The following ELOC variants were observed in gnomAD, a reference collection of about 807,000 sequenced individuals.
The protein encoded by ELOC is elongin-C.
For missense variants in ELOC, 38 were observed against 139.0 expected, an observed-to-expected ratio of 0.27 and a Z score of 3.65; for synonymous variants, 40 against 51.3, an observed-to-expected ratio of 0.78 and a Z score of 0.94.
chr8:73,952,747 C>T (rs1586597101), intron 3 of ELOC, among the ~76,000 whole-genome samples: 1 of 149,412 alleles, frequency 6.7e-6, no homozygotes, highest in East Asian at 2.0e-4. Context: ...CGCCACTGCA[C>T]TCCAGCCTGG....
intron 3 of ELOC, among the ~76,000 whole-genome samples, chr8:73,954,118 C>A (rs1813972775): frequency 1.3e-5 from 2 of 152,068 alleles, no homozygotes; most frequent in South Asian, 4.1e-4. Context: ...TCAATTTATA[C>A]AAAATGGCCA....
chr8:73,970,842 C>T (rs930573039), intron 1 of ELOC, among the ~76,000 whole-genome samples: 1 of 148,096 alleles, frequency 6.8e-6, no homozygotes, highest in African/African-American at 2.5e-5. Flanking sequence ...TGGTGAAACC[C>T]CATCTCTACT....
intron 1 of ELOC, among the ~76,000 whole-genome samples, chr8:73,960,096 G>A (rs1328788987): frequency 6.6e-6 from 1 of 152,128 alleles, no homozygotes; most frequent in Non-Finnish European, 1.5e-5. Context: ...TTGGGGGTGG[G>A]GTTGTTGAAG....
intron 1 of ELOC, chr8:73,969,582 T>C (rs200032996): frequency 6.1e-4 from 93 of 152,326 alleles, no homozygotes; most frequent in African/African-American, 2.2e-3. Flanking sequence ...GCATTTGTAA[T>C]TGCTGTTGTC....
chr8:73,948,950 A>T (rs1440111952), intron 3 of ELOC, among the ~76,000 whole-genome samples: 2 of 152,252 alleles, frequency 1.3e-5, no homozygotes, highest in African/African-American at 4.8e-5. Flanking sequence ...TGATCATGTT[A>T]ACGAGATCTC....
At chr8:73,951,673 C>T (rs1199317734) in intron 3 of ELOC, among the ~76,000 whole-genome samples, 1 of 151,624 alleles carries the variant, frequency 6.6e-6, no homozygotes, top group African/African-American at 2.4e-5. Flanking sequence ...ACAACAACAA[C>T]AACAACAAAA....
rs376939453 is a variant in ELOC, at chr8:73,968,792, AC to A, written c.-51+3284del. On this transcript the variant is annotated intron_variant, in intron 1 of 3. Coordinates refer to ENST00000520242, the MANE Select transcript of ELOC (RefSeq NM_005648.4). The stretch of plus-strand genomic sequence containing the variant: ...ACCTATTCTGATCAGCCTTTGGCCC[AC>A]CAGTCCATTTTAGGGGTTCTTATCA... Among the ~76,000 whole-genome samples the A allele has an allele frequency of 4.4e-3, 667 of 152,324 alleles. 1 individual carries two copies. The highest frequency in any genetic ancestry group is 0.015 in the African/African-American group (615 of 41,570).
chr8:73,967,460 T>C (rs1200499126), intron 1 of ELOC, among the ~76,000 whole-genome samples: 2 of 140,500 alleles, frequency 1.4e-5, no homozygotes, highest in Non-Finnish European at 3.2e-5. Flanking sequence ...TTTATATAAT[T>C]TTCTTTTCTT....
At chr8:73,967,910 TGTTCTAGCAG>T (rs1466593363) in intron 1 of ELOC, among the ~76,000 whole-genome samples, 1 of 152,246 alleles carries the variant, frequency 6.6e-6, no homozygotes, top group Non-Finnish European at 1.5e-5. Context: ...TTGTTGACTC[TGTTCTAGCAG>T]GTTCTTAATC....
chr8:73,951,080 G>A (rs1167969499), intron 3 of ELOC, among the ~76,000 whole-genome samples: 2 of 152,138 alleles, frequency 1.3e-5, no homozygotes, highest in East Asian at 3.9e-4. Context: ...AGAACAGCCT[G>A]ACCAACACAG....
chr8:73,948,312 C>T (rs1000716583), intron 3 of ELOC, among the ~76,000 whole-genome samples: 1 of 151,876 alleles, frequency 6.6e-6, no homozygotes, highest in African/African-American at 2.4e-5. Context: ...GTATGATTGG[C>T]GAGCAGGATG....
At chr8:73,971,398 T>A (rs942502437) in intron 1 of ELOC, among the ~76,000 whole-genome samples, 1 of 151,990 alleles carries the variant, frequency 6.6e-6, no homozygotes, top group Admixed American at 6.6e-5. Flanking sequence ...CAAGTCTGTC[T>A]CCCCCGGCCC....
intron 3 of ELOC, among the ~76,000 whole-genome samples, chr8:73,952,655 C>T (rs1294205722): frequency 1.3e-5 from 2 of 150,720 alleles, no homozygotes; most frequent in African/African-American, 4.9e-5. Context: ...GTGGCGGGCG[C>T]CTGTGGTCCC....
intron 3 of ELOC, among the ~76,000 whole-genome samples, chr8:73,949,522 T>C (rs1233457882): frequency 2.6e-5 from 4 of 152,194 alleles, no homozygotes; most frequent in Admixed American, 1.3e-4. Context: ...CATCCCAAAT[T>C]AAAACCCGAT....
intron 1 of ELOC, among the ~76,000 whole-genome samples, chr8:73,967,965 C>T (rs1586622408): frequency 6.6e-6 from 1 of 152,158 alleles, no homozygotes; most frequent in Non-Finnish European, 1.5e-5. Flanking sequence ...CACAGATAAG[C>T]AGTAGAATCC....
At chr8:73,947,714 A>G (rs1813472829) in intron 3 of ELOC, among the ~76,000 whole-genome samples, 1 of 151,880 alleles carries the variant, frequency 6.6e-6, no homozygotes. Flanking sequence ...AGCTGGGACC[A>G]CAGGTGAGCG....
chr8:73,948,870 A>AGCAAGCAG (rs1275347058), intron 3 of ELOC, among the ~76,000 whole-genome samples: 25 of 152,242 alleles, frequency 1.6e-4, no homozygotes, highest in African/African-American at 5.8e-4. Flanking sequence ...CAAGCAAGCA[A>AGCAAGCAG]GCAAGCAAGC....
chr8:73,968,160 T>C (rs779727338), intron 1 of ELOC, among the ~76,000 whole-genome samples: 1 of 152,222 alleles, frequency 6.6e-6, no homozygotes. Flanking sequence ...CTGTTTGACA[T>C]TTCTATCTTG....
intron 1 of ELOC, among the ~76,000 whole-genome samples, chr8:73,966,852 C>G (rs16938747): frequency 0.047 from 7,146 of 152,140 alleles, 346 homozygotes; most frequent in African/African-American, 0.13. Context: ...CTACATTATC[C>G]TGTTTCATCA....
Sources: gnomAD v4.1 joint callset for allele counts (sites outside exome capture counted in the v4.1 genomes callset) on GRCh38, gnomAD v4.1.1 for gene constraint, MANE v1.5 for transcripts, NCBI Gene and HGNC (gene_info 2026-07-23, HGNC 2026-07-21) for gene names.